The following RPL7L1 variants were observed in gnomAD, a reference collection of about 807,000 sequenced individuals.
RPL7L1 encodes ribosomal protein L7 like 1.
RPL7L1 carries 20 observed loss-of-function variants against 30.3 expected under a neutral mutation model. The observed-to-expected ratio is 0.66, with a 90% CI of 0.46 to 0.96. The LOEUF (loss-of-function observed/expected upper bound fraction) is 0.96, where lower values mean the gene tolerates loss of function less well. Among genes scored for constraint, RPL7L1 ranks in the 40% least tolerant of loss-of-function variants. The pLI is 0.00. For missense variants in RPL7L1, 271 were observed against 314.9 expected, an observed-to-expected ratio of 0.86 and a Z score of 1.05; for synonymous variants, 107 against 110.1, an observed-to-expected ratio of 0.97 and a Z score of 0.18.
intron 5 of RPL7L1, 77 bp downstream of exon 5, chr6:42,886,160 ATTC>A (rs760345297): frequency 2.6e-5 from 36 of 1,388,000 alleles, no homozygotes; most frequent in Non-Finnish European, 3.4e-5. Context: ...TTCAGGTTGT[ATTC>A]TTCTTGGGGC....
In RPL7L1 at chr6:42,888,467, C is replaced by G. The variant is rs1419853553; in HGVS notation, c.*2003C>G. On this transcript the variant is annotated 3_prime_UTR_variant, in exon 6 of 6. Transcript: ENST00000493763. ...GCAACTGCGCCCAGCTCTTGTGTACCTTATGTGAGGAAGTCCTGCTCAATC... is the reference window on the plus strand; with the variant it reads ...GCAACTGCGCCCAGCTCTTGTGTACGTTATGTGAGGAAGTCCTGCTCAATC... The G allele has an allele frequency of 5.3e-5, 8 of 152,160 alleles. No homozygotes were observed. Among genetic ancestry groups the G allele is most frequent in the African/African-American group, 1.7e-4 (7 of 41,414 alleles). The allele number at this position is 152,160 out of a possible 1,614,324, so 9.4% of individuals were successfully genotyped here. A position where few individuals can be genotyped will look rare whatever the true frequency, so the allele number is the denominator to read the frequency against.
chr6:42,888,318 ATTC>A lies in RPL7L1; in HGVS notation c.*1857_*1859del, dbSNP rs1766355723. The A allele has an allele frequency of 6.6e-6, 1 of 152,112 alleles. No individual in the cohort carries two copies. Among genetic ancestry groups the A allele is most frequent in the South Asian group, 2.1e-4 (1 of 4,822 alleles). 9.4% of individuals were successfully genotyped at this position (152,112 alleles called of 1,614,324 possible). A position where few individuals can be genotyped will look rare whatever the true frequency, so the allele number is the denominator to read the frequency against. On this transcript the variant is annotated 3_prime_UTR_variant, in exon 6 of 6. Coordinates refer to ENST00000493763, the MANE Select transcript of RPL7L1 (RefSeq NM_001366481.3). ...ATGCATGTACCACCACACCCAGCTA[ATTC>A]TTGTATTTTTAGTAGAGATGGAGAC...
At chr6:42,884,821 C>T in intron 4 of RPL7L1, 71 bp downstream of exon 4, 2 of 1,432,580 alleles carry the variant, frequency 1.4e-6, no homozygotes, top group East Asian at 2.3e-5. Flanking sequence ...CCGGGTATTG[C>T]TTTCCAGGGC....
At position 42,884,650 on chromosome 6, in the gene RPL7L1, G is replaced by A. The variant is rs201422156; in HGVS notation, c.349G>A (p.Ala117Thr). ...GVSLLVQRTI[A>T]RLRLKKIFSG... ...GAGTTTACTGGTGCAGAGAACCATT[G>A]CAAGACTTCGCCTAAAGAAAATTTT... The change falls in exon 4 of 6, where the codon GCA becomes ACA. Residue 117 changes from alanine to threonine, a missense_variant. Ala to Thr is a moderately conservative substitution (Grantham distance 58, BLOSUM62 0). Transcript: ENST00000493763. The A allele has an allele frequency of 1.2e-6, 2 of 1,613,426 alleles. No homozygotes were observed. Among genetic ancestry groups the A allele is most frequent in the African/African-American group, 1.3e-5 (1 of 74,888 alleles).
intron 2 of RPL7L1, 79 bp from the exon 3 acceptor site, chr6:42,883,372 T>A: frequency 1.8e-6 from 2 of 1,119,470 alleles, no homozygotes; most frequent in East Asian, 2.6e-5. Flanking sequence ...CTATATCAGT[T>A]GTCACTTATG....
In RPL7L1 at chr6:42,884,742, G is replaced by C. The variant is rs897277540; in HGVS notation, c.441G>C (p.Val147=). The stretch of plus-strand genomic sequence containing the variant: ...TGCTGCGTATAGTGGAACCTTATGT[G>C]ACCTGGGGGTAAGTAAGGTTTTCCA... The part of the protein sequence containing the change: ...LKMLRIVEPY[V]TWGFPNLKSV... The change falls in exon 4 of 6, where the codon GTG becomes GTC. Residue 147 remains valine (V), a synonymous_variant. Transcript: ENST00000493763. The C allele has an allele frequency of 1.3e-5, 21 of 1,612,554 alleles. No individual in the cohort carries two copies. Among genetic ancestry groups the C allele is most frequent in the Non-Finnish European group, 1.8e-5 (21 of 1,178,980 alleles).
intron 2 of RPL7L1, chr6:42,882,871 A>C (rs1372279767): frequency 6.6e-6 from 1 of 152,270 alleles, no homozygotes; most frequent in Non-Finnish European, 1.5e-5. Flanking sequence ...ATATCACTGC[A>C]CTCCAGCCTG....
At chr6:42,881,110 G>C (rs1302478283) in intron 2 of RPL7L1, 144 bp downstream of exon 2, 1 of 607,956 alleles carries the variant, frequency 1.6e-6, no homozygotes, top group Non-Finnish European at 2.9e-6. Context: ...TGTCCTTAAG[G>C]GGTTGGTTCC....
intron 1 of RPL7L1, chr6:42,880,601 C>T (rs1471609823): frequency 8.9e-6 from 3 of 336,926 alleles, no homozygotes; most frequent in East Asian, 1.6e-4. Context: ...CAACCTCCGC[C>T]TCCCGGGTTC....
chr6:42,882,921 C>A (rs2395938), intron 2 of RPL7L1: 47,192 of 152,090 alleles, frequency 0.31, 7,442 homozygotes, highest in South Asian at 0.38. Flanking sequence ...AAAAAAAGAA[C>A]AAGGAGTGAG....
At position 42,889,670 on chromosome 6, in the gene RPL7L1, G is replaced by A. The variant is rs1766401795; in HGVS notation, c.*3206G>A. The A allele has an allele frequency of 6.6e-6, 1 of 152,352 alleles. No individual in the cohort carries two copies. The highest frequency in any genetic ancestry group is 6.5e-5 in the Admixed American group (1 of 15,286). 9.4% of individuals were successfully genotyped at this position (152,352 alleles called of 1,614,324 possible). On this transcript the variant is annotated 3_prime_UTR_variant, in exon 6 of 6. Transcript: ENST00000493763. Reference sequence around the variant, plus strand: ...GTCTTACACTAAATATGGGTACAGTGTTTCCACTCTGTCCATAAAATGGGA... The same window carrying A: ...GTCTTACACTAAATATGGGTACAGTATTTCCACTCTGTCCATAAAATGGGA...
In RPL7L1 at chr6:42,889,812, C is replaced by T. The variant is rs1003223887; in HGVS notation, c.*3348C>T. ...TGGTAAATAAAAGGGACTAAGTTGA[C>T]GAAAAATAAATTTTAAAAAACCTAA... is the stretch of plus-strand genomic sequence containing the variant. On this transcript the variant is annotated 3_prime_UTR_variant, in exon 6 of 6. Coordinates refer to ENST00000493763, the MANE Select transcript of RPL7L1 (RefSeq NM_001366481.3). 2.6e-5 allele frequency: 4 copies of T among 151,980 alleles called. No homozygotes were observed. Among genetic ancestry groups the T allele is most frequent in the Admixed American group, 6.6e-5 (1 of 15,242 alleles). The allele number at this position is 151,980 out of a possible 1,614,324, so 9.4% of individuals were successfully genotyped here.
At chr6:42,886,196 C>T in intron 5 of RPL7L1, 60 bp from the exon 6 acceptor site, 1 of 1,494,822 alleles carries the variant, frequency 6.7e-7, no homozygotes, top group Non-Finnish European at 9.3e-7. Context: ...CCAGAGTGGC[C>T]AGCTTAGTAT....
Position 42,888,693 on chromosome 6 carries a change from C to T in RPL7L1, c.*2229C>T, listed in dbSNP as rs564902487. On this transcript the variant is annotated 3_prime_UTR_variant, in exon 6 of 6. Coordinates refer to ENST00000493763, the MANE Select transcript of RPL7L1 (RefSeq NM_001366481.3). The stretch of plus-strand genomic sequence containing the variant: ...GGTTTCTCTGATGATCAGCATGGTT[C>T]CTTAAAACCCAAATCAGCAAGGAAT... 3.7e-4 allele frequency: 56 copies of T among 152,366 alleles called. No homozygotes were observed. Among genetic ancestry groups the T allele is most frequent in the African/African-American group, 1.3e-3 (52 of 41,580 alleles). 9.4% of individuals were successfully genotyped at this position (152,366 alleles called of 1,614,324 possible).
Position 42,879,720 on chromosome 6 carries a change from T to C in RPL7L1, c.-191T>C, listed in dbSNP as rs989810029. On this transcript the variant is annotated 5_prime_UTR_variant, in exon 1 of 6. Transcript: ENST00000493763. ...AACTTACAAGAAAAGGGCTGGGTTT[T>C]GAAAATAACACAGGCTCTAAAAACC... is the stretch of plus-strand genomic sequence containing the variant. The C allele has an allele frequency of 1.7e-6, 1 of 578,738 alleles. No homozygotes were observed. The highest frequency in any genetic ancestry group is 3.1e-6 in the Non-Finnish European group (1 of 319,534). 35.9% of individuals were successfully genotyped at this position (578,738 alleles called of 1,614,324 possible).
chr6:42,883,249 C>G (rs541332983), intron 2 of RPL7L1: 2 of 416,166 alleles, frequency 4.8e-6, no homozygotes, highest in East Asian at 3.9e-5. Flanking sequence ...GTTATTTTTC[C>G]CAATAATTCC....
chr6:42,883,350 C>T (rs993033521), intron 2 of RPL7L1, 101 bp from the exon 3 acceptor site: 50 of 905,218 alleles, frequency 5.5e-5, no homozygotes, highest in Non-Finnish European at 6.9e-5. Context: ...TTGTGGAACA[C>T]GGGGAAATAA....
In RPL7L1 at chr6:42,879,897, TGGTGG is replaced by T; in HGVS notation, c.-10_-6del. The T allele has an allele frequency of 6.2e-7, 1 of 1,613,476 alleles. No individual in the cohort carries two copies. Among genetic ancestry groups the T allele is most frequent in the Non-Finnish European group, 8.5e-7 (1 of 1,179,594 alleles). On this transcript the variant is annotated 5_prime_UTR_variant, in exon 1 of 6. Transcript: ENST00000493763. The stretch of plus-strand genomic sequence containing the variant: ...CAGAGCGTGTGCTGTCTTCCCCATG[TGGTGG>T]GGTTGCGCATGATCAGTAGCTGCAC...
At chr6:42,885,100 C>T (rs1032687669) in intron 4 of RPL7L1, among the ~76,000 whole-genome samples, 22 of 152,108 alleles carry the variant, frequency 1.4e-4, no homozygotes, top group Admixed American at 8.5e-4. Flanking sequence ...GAGGCCGAGG[C>T]GGGTGGATCA....
Sources: allele counts gnomAD v4.1 joint callset (sites outside exome capture counted in the v4.1 genomes callset), GRCh38; gene constraint gnomAD v4.1.1; transcripts MANE v1.5; gene names NCBI Gene and HGNC (gene_info 2026-07-23, HGNC 2026-07-21).